The following PDE1C variants were observed in gnomAD, a reference collection of about 807,000 sequenced individuals.
The protein encoded by PDE1C is phosphodiesterase 1C.
A neutral mutation model predicts 93.1 loss-of-function variants in PDE1C; 62 were observed. The ratio of observed to expected loss-of-function variants is 0.67; its 90% confidence interval spans 0.54 to 0.82. PDE1C has a LOEUF of 0.82. Ranked by LOEUF, PDE1C falls within the 40% of genes least tolerant of loss-of-function variation. The probability of loss-of-function intolerance (pLI) is 0.00; values close to 1 mark genes in which losing one functional copy is unlikely to be tolerated. For synonymous variants in PDE1C, 325 were observed against 310.1 expected (o/e 1.05, Z -0.50); for missense variants, 742 against 884.6 (o/e 0.84, Z 2.04).
intron 2 of PDE1C, among the ~76,000 whole-genome samples, chr7:31,956,901 T>C (rs779380646): frequency 6.6e-6 from 1 of 152,102 alleles, no homozygotes; most frequent in African/African-American, 2.4e-5. Context: ...GTTTATAAAT[T>C]GGGATGCTTC....
chr7:31,799,740 C>T (rs1349169682), intron 16 of PDE1C, among the ~76,000 whole-genome samples: 1 of 151,594 alleles, frequency 6.6e-6, no homozygotes, highest in Non-Finnish European at 1.5e-5. Context: ...GTTATTTGTT[C>T]TATGCAAACT....
At chr7:31,654,530 G>A in the PDE1C span, among the ~76,000 whole-genome samples, 13 of 152,256 alleles carry the variant, frequency 8.5e-5, no homozygotes, top group Admixed American at 3.9e-4. Context: ...GCCCCTGGGG[G>A]TCTACAGTGA....
In PDE1C at chr7:31,801,776, T is replaced by C. The variant is rs142179644; in HGVS notation, c.1891+7255A>G. Among the ~76,000 whole-genome samples the C allele has an allele frequency of 1.4e-4, 21 of 151,650 alleles. 1 individual carries two copies. In the East Asian group the frequency reaches 4.1e-3, roughly 30 times the overall value. Reference sequence around the variant, plus strand: ...TTCCTGTCTTTGTTCTGATATCTACTGTCATATATTAATATAGCCACCAGG... The same window carrying C: ...TTCCTGTCTTTGTTCTGATATCTACCGTCATATATTAATATAGCCACCAGG... On this transcript the variant is annotated intron_variant, in intron 16 of 17. Coordinates refer to ENST00000396191, the MANE Select transcript of PDE1C (RefSeq NM_001191057.4).
Position 31,833,521 on chromosome 7 carries a change from G to C in PDE1C, c.1203+3659C>G, listed in dbSNP as rs111233870. 2.6e-3 allele frequency among the ~76,000 whole-genome samples: 398 copies of C among 152,234 alleles called. 8 individuals are homozygous for C. The highest frequency in any genetic ancestry group is 9.1e-3 in the African/African-American group (380 of 41,566). On this transcript the variant is annotated intron_variant, in intron 11 of 17. Coordinates refer to ENST00000396191, the MANE Select transcript of PDE1C (RefSeq NM_001191057.4). ...GTTGAATGTCTTTGAACAAAATGTT[G>C]ATAATATGGACAATGACATCCAGGC... is the stretch of plus-strand genomic sequence containing the variant.
At chr7:32,022,998 A>C (rs1788899508) in intron 2 of PDE1C, among the ~76,000 whole-genome samples, 1 of 151,498 alleles carries the variant, frequency 6.6e-6, no homozygotes, top group African/African-American at 2.4e-5. Context: ...AGCAAACCGG[A>C]AGAGGCTTTG....
intron 1 of PDE1C, among the ~76,000 whole-genome samples, chr7:32,423,736 C>G (rs993072218): frequency 2.0e-5 from 3 of 152,170 alleles, no homozygotes; most frequent in African/African-American, 7.2e-5. Flanking sequence ...AGCAATGAGT[C>G]AGCAAGACAA....
chr7:32,080,918 G>A (rs1289030550), intron 3 of PDE1C, among the ~76,000 whole-genome samples: 4 of 152,204 alleles, frequency 2.6e-5, no homozygotes, highest in Admixed American at 6.5e-5. Context: ...AGACCCATCA[G>A]AAGTTGACAT....
At chr7:32,082,026 AG>A (rs1458913576) in intron 3 of PDE1C, among the ~76,000 whole-genome samples, 1 of 152,236 alleles carries the variant, frequency 6.6e-6, no homozygotes, top group Non-Finnish European at 1.5e-5. Context: ...CAGTGGGTGC[AG>A]CGCACCATGC....
At chr7:31,879,846 T>C (rs1316918215) in intron 3 of PDE1C, among the ~76,000 whole-genome samples, 1 of 152,084 alleles carries the variant, frequency 6.6e-6, no homozygotes, top group African/African-American at 2.4e-5. Context: ...GCATGTCATA[T>C]TTACAGTAAA....
At position 32,201,768 on chromosome 7, in the gene PDE1C, T is replaced by C. The variant is rs1026725981; in HGVS notation, c.136+7721A>G. On this transcript the variant is annotated intron_variant, in intron 2 of 18. Transcript: ENST00000396193. ...TTTTATTGGTGGTAGAATGGCTAAATGGACTGTTGAAAATCAAACTGAATT... is the reference window on the plus strand; with the variant it reads ...TTTTATTGGTGGTAGAATGGCTAAACGGACTGTTGAAAATCAAACTGAATT... 5.9e-5 allele frequency among the ~76,000 whole-genome samples: 9 copies of C among 152,362 alleles called. No homozygotes were observed. The Middle Eastern group carries it at 0.014, about 230-fold the overall frequency.
chr7:31,761,094 T>A (rs1460431840), intron 17 of PDE1C, among the ~76,000 whole-genome samples: 56 of 44,124 alleles, frequency 1.3e-3, no homozygotes, highest in African/African-American at 5.1e-3. Flanking sequence ...GTACTGGGCA[T>A]GTATTTTGGC....
the PDE1C span, among the ~76,000 whole-genome samples, chr7:31,745,297 A>G: frequency 6.6e-6 from 1 of 152,106 alleles, no homozygotes; most frequent in African/African-American, 2.4e-5. Context: ...GAATTTATAC[A>G]TTTCCCATCC....
intron 2 of PDE1C, among the ~76,000 whole-genome samples, chr7:31,882,445 A>G (rs1276150746): frequency 1.3e-5 from 2 of 152,144 alleles, no homozygotes; most frequent in Non-Finnish European, 2.9e-5. Context: ...GCTGCTCCAA[A>G]TAAGGATTGG....
At chr7:31,880,662 C>G (rs1422153165) in intron 3 of PDE1C, 85 bp downstream of exon 3, 1 of 769,216 alleles carries the variant, frequency 1.3e-6, no homozygotes, top group Admixed American at 2.2e-5. Flanking sequence ...CACCCCATTC[C>G]TGGCATGGGG....
At chr7:32,387,020 C>T (rs566780803) in intron 1 of PDE1C, among the ~76,000 whole-genome samples, 3 of 151,194 alleles carry the variant, frequency 2.0e-5, no homozygotes, top group South Asian at 2.1e-4. Context: ...GAGGACCCTG[C>T]GGCCTTCCGC....
the PDE1C span, among the ~76,000 whole-genome samples, chr7:31,734,478 G>A: frequency 0.99 from 151,155 of 152,298 alleles, 75,016 homozygotes; most frequent in East Asian, 1. Flanking sequence ...GCCCTGGGAC[G>A]CCACAGGATA....
intron 1 of PDE1C, among the ~76,000 whole-genome samples, chr7:32,408,838 C>G (rs1332506126): frequency 6.6e-6 from 1 of 151,994 alleles, no homozygotes; most frequent in Non-Finnish European, 1.5e-5. Context: ...GACTACTCAA[C>G]TCTAAATTAA....
chr7:31,979,157 T>C (rs907529690), intron 2 of PDE1C, among the ~76,000 whole-genome samples: 1 of 152,134 alleles, frequency 6.6e-6, no homozygotes, highest in South Asian at 2.1e-4. Flanking sequence ...ACTCAAACAT[T>C]ATGTGCCTCC....
the PDE1C span, among the ~76,000 whole-genome samples, chr7:31,736,025 C>T: frequency 6.6e-6 from 1 of 152,188 alleles, no homozygotes; most frequent in African/African-American, 2.4e-5. Flanking sequence ...CAGTGCATTG[C>T]TGTGTGCAAA....
Sources: allele counts gnomAD v4.1 joint callset (sites outside exome capture counted in the v4.1 genomes callset), GRCh38; gene constraint gnomAD v4.1.1; transcripts MANE v1.5; gene names NCBI Gene and HGNC (gene_info 2026-07-23, HGNC 2026-07-21).